The following CCNB2 variants were observed in gnomAD, a reference collection of about 807,000 sequenced individuals.
CCNB2 encodes the protein cyclin B2, also known as G2/mitotic-specific cyclin-B2.
CCNB2 carries 39 observed loss-of-function variants against 51.1 expected under a neutral mutation model. The observed-to-expected ratio is 0.76, with a 90% CI of 0.59 to 1.00. The LOEUF (loss-of-function observed/expected upper bound fraction) is 1.00. CCNB2 is among the 50% of genes least tolerant of loss of function. The pLI is 0.00. For synonymous variants in CCNB2, 174 were observed against 165.5 expected (o/e 1.05, Z -0.40); for missense variants, 472 against 470.3 (o/e 1.00, Z -0.03).
In CCNB2 at chr15:59,114,731, T is replaced by G; in HGVS notation, c.452T>G (p.Ile151Arg). The stretch of plus-strand genomic sequence containing the variant: ...TTCTACCCACAGGTTTTGCAGTCCA[T>G]AAACCCACATTTCTTAGATGGAAGA... ...YLRQLEVLQS[I>R]NPHFLDGRDI... The change falls in exon 5 of 9, where the codon ATA (isoleucine) becomes AGA (arginine). Residue 151 changes from isoleucine to arginine, a missense_variant. By Grantham distance (97) the Ile-to-Arg change is moderately conservative. Transcript: ENST00000288207. 1 of 1,611,720 alleles carries G rather than the reference T, an allele frequency of 6.2e-7. No individual in the cohort carries two copies. The highest frequency in any genetic ancestry group is 8.5e-7 in the Non-Finnish European group (1 of 1,178,100).
rs1334847367 is a variant in CCNB2, at chr15:59,114,422, G to A, written c.268-22G>A. The A allele has an allele frequency of 3.9e-6, 6 of 1,554,580 alleles. No homozygotes were observed. The Admixed American group carries it at 8.1e-5, about 21-fold the overall frequency. On this transcript the variant is annotated intron_variant, in intron 3 of 8. Coordinates refer to ENST00000288207, the MANE Select transcript of CCNB2 (RefSeq NM_004701.4). ...TTTATGGTTAAGGCTGCTCCTACATGTGCCTAAATTTGTTGGTGTAGGGTC... is the reference window on the plus strand; with the variant it reads ...TTTATGGTTAAGGCTGCTCCTACATATGCCTAAATTTGTTGGTGTAGGGTC...
At chr15:59,116,660 G>A in intron 5 of CCNB2, 30 bp from the exon 6 acceptor site, 2 of 1,493,828 alleles carry the variant, frequency 1.3e-6, no homozygotes, top group Non-Finnish European at 1.9e-6. Context: ...CTTGTTAGGT[G>A]TGACTTTTGT....
At chr15:59,116,991 TA>T in intron 6 of CCNB2, 65 bp downstream of exon 6, 1 of 1,331,512 alleles carries the variant, frequency 7.5e-7, no homozygotes, top group South Asian at 1.3e-5. Flanking sequence ...AACCTTGACC[TA>T]ATTTAAGGAA....
At position 59,119,356 on chromosome 15, in the gene CCNB2, G is replaced by T. The variant is rs555113480; in HGVS notation, c.975+1988G>T. 1.8e-4 allele frequency among the ~76,000 whole-genome samples: 27 copies of T among 151,726 alleles called. 2 individuals carry two copies. The South Asian group carries it at 4.8e-3, about 27-fold the overall frequency. ...CACACCTGTAGTCCTAGTTACTCAG[G>T]AGGCTGAGGCAGGAGGATTGCTTGA... On this transcript the variant is annotated intron_variant, in intron 7 of 8. Coordinates refer to ENST00000288207, the MANE Select transcript of CCNB2 (RefSeq NM_004701.4).
At position 59,114,455 on chromosome 15, in the gene CCNB2, C is replaced by G. The variant is rs771947366; in HGVS notation, c.279C>G (p.Pro93=). The G allele has an allele frequency of 6.2e-7, 1 of 1,601,408 alleles. No homozygotes were observed. Among genetic ancestry groups the G allele is most frequent in the Non-Finnish European group, 8.5e-7 (1 of 1,174,282 alleles). Residue 93 remains proline, a synonymous_variant, in exon 4 of 9, where the codon CCC becomes CCG. Transcript: ENST00000288207. The part of the protein sequence containing the change: ...MEKLAPKGPS[P]TPEDVSMKEE... Reference sequence around the variant, plus strand: ...ATTTGTTGGTGTAGGGTCCTTCTCCCACACCTGAGGATGTCTCCATGAAGG... The same window carrying G: ...ATTTGTTGGTGTAGGGTCCTTCTCCGACACCTGAGGATGTCTCCATGAAGG...
intron 1 of CCNB2, among the ~76,000 whole-genome samples, chr15:59,106,688 TACTC>T (rs1369888924): frequency 6.6e-6 from 1 of 152,208 alleles, no homozygotes; most frequent in East Asian, 1.9e-4. Context: ...AAAACTATAT[TACTC>T]AAGAAAACTA....
intron 7 of CCNB2, 132 bp from the exon 8 acceptor site, chr15:59,123,385 C>T (rs140059216): frequency 4.8e-4 from 290 of 607,188 alleles, no homozygotes; most frequent in African/African-American, 4.2e-3. Context: ...ATTGAATTTC[C>T]AGAAGGTAAG....
intron 3 of CCNB2, among the ~76,000 whole-genome samples, chr15:59,112,212 T>C (rs2079260393): frequency 6.6e-6 from 1 of 152,150 alleles, no homozygotes; most frequent in South Asian, 2.1e-4. Context: ...CTCACCTGGT[T>C]CTTCCTCAGT....
At chr15:59,123,372 T>C in intron 7 of CCNB2, 145 bp from the exon 8 acceptor site, 2 of 599,420 alleles carry the variant, frequency 3.3e-6, no homozygotes. Context: ...GGTTAGGGCT[T>C]TGATTGAATT....
chr15:59,112,107 C>T lies in CCNB2; in HGVS notation c.268-2337C>T, dbSNP rs184117160. Reference sequence around the variant, plus strand: ...GCTGAAGCAATCCACCTGCCTCAGCCTTCCAAAATGCTGGGATTACAGGTG... The same window carrying T: ...GCTGAAGCAATCCACCTGCCTCAGCTTTCCAAAATGCTGGGATTACAGGTG... On this transcript the variant is annotated intron_variant, in intron 3 of 8. Coordinates refer to ENST00000288207, the MANE Select transcript of CCNB2 (RefSeq NM_004701.4). 4.3e-3 allele frequency among the ~76,000 whole-genome samples: 649 copies of T among 152,232 alleles called. 4 individuals are homozygous for T. The highest frequency in any genetic ancestry group is 8.0e-3 in the Non-Finnish European group (544 of 68,012).
intron 7 of CCNB2, among the ~76,000 whole-genome samples, chr15:59,119,477 A>G (rs530591948): frequency 7.3e-6 from 1 of 137,752 alleles, no homozygotes; most frequent in African/African-American, 3.2e-5. Context: ...AAAAAAAAAA[A>G]CAAATCTGTA....
At chr15:59,123,177 A>G (rs1247647104) in intron 7 of CCNB2, among the ~76,000 whole-genome samples, 1 of 152,194 alleles carries the variant, frequency 6.6e-6, no homozygotes, top group Non-Finnish European at 1.5e-5. Flanking sequence ...AGCACTGTAA[A>G]GGGGCACTTT....
intron 7 of CCNB2, 130 bp from the exon 8 acceptor site, chr15:59,123,387 G>T (rs1174597993): frequency 1.6e-6 from 1 of 611,640 alleles, no homozygotes; most frequent in Non-Finnish European, 3.0e-6. Flanking sequence ...TGAATTTCCA[G>T]AAGGTAAGAA....
rs1448346092 is a variant in CCNB2, at chr15:59,118,835, C to A, written c.975+1467C>A. Among the ~76,000 whole-genome samples, 3 of 152,342 alleles carry A rather than the reference C, an allele frequency of 2.0e-5. No individual in the cohort carries two copies. The East Asian group carries it at 5.8e-4, about 29-fold the overall frequency. On this transcript the variant is annotated intron_variant, in intron 7 of 8. Coordinates refer to ENST00000288207, the MANE Select transcript of CCNB2 (RefSeq NM_004701.4). ...CACAAAGCATTTTGCCAGGACAGAT[C>A]AGCTGTGGTTCAGGCCTTGGCCTGT...
intron 7 of CCNB2, among the ~76,000 whole-genome samples, chr15:59,120,293 A>G (rs1175482547): frequency 6.6e-6 from 1 of 152,152 alleles, no homozygotes; most frequent in Non-Finnish European, 1.5e-5. Flanking sequence ...TTTGTGCCAG[A>G]TAGCACACAA....
intron 8 of CCNB2, chr15:59,124,469 A>C: frequency 2.5e-6 from 1 of 397,438 alleles, no homozygotes; most frequent in South Asian, 2.5e-5. Context: ...TAGGTGTCGT[A>C]AACACAGCTC....
chr15:59,106,463 G>C (rs1476719219), intron 1 of CCNB2, among the ~76,000 whole-genome samples: 1 of 152,146 alleles, frequency 6.6e-6, no homozygotes, highest in East Asian at 1.9e-4. Flanking sequence ...AGTTTTATTA[G>C]AGTCGGGACC....
intron 7 of CCNB2, among the ~76,000 whole-genome samples, chr15:59,122,547 CTTTTT>C (rs748369646): frequency 6.7e-5 from 7 of 104,532 alleles, no homozygotes; most frequent in East Asian, 3.0e-4. Context: ...CTTTTTTTTT[CTTTTT>C]TTTTTGAGAC....
At chr15:59,112,819 G>T (rs2079262951) in intron 3 of CCNB2, among the ~76,000 whole-genome samples, 1 of 151,596 alleles carries the variant, frequency 6.6e-6, no homozygotes, top group South Asian at 2.1e-4. Flanking sequence ...CGGATCACAA[G>T]GTCAGGAGAT....
Sources: gnomAD v4.1 joint callset for allele counts (sites outside exome capture counted in the v4.1 genomes callset) on GRCh38, gnomAD v4.1.1 for gene constraint, MANE v1.5 for transcripts, NCBI Gene and HGNC (gene_info 2026-07-23, HGNC 2026-07-21) for gene names.